The following NEK9 variants were observed in gnomAD, a reference collection of about 807,000 sequenced individuals.
NEK9 encodes serine/threonine-protein kinase Nek9.
In NEK9, 75 loss-of-function variants were observed where a neutral mutation model predicts 123.4. The ratio of observed to expected loss-of-function variants is 0.61; its 90% CI spans 0.50 to 0.74. The LOEUF (loss-of-function observed/expected upper bound fraction) is 0.74, where lower values mean the gene tolerates loss of function less well. Ranked by LOEUF, NEK9 falls within the 30% of genes least tolerant of loss-of-function variation. The pLI, the probability that NEK9 is intolerant of heterozygous loss-of-function variation, is 0.00. For synonymous variants in NEK9, 438 were observed against 458.7 expected (o/e 0.95, Z 0.58); for missense variants, 952 against 1,214.4 (o/e 0.78, Z 3.21).
chr14:75,119,035 G>C lies in NEK9; in HGVS notation c.525-100C>G, dbSNP rs561913616. ...TATTACAGAATAAAAATGAGTGTGGGCCGGGTACAGTGGCTCACATCTGTA... is the reference window on the plus strand; with the variant it reads ...TATTACAGAATAAAAATGAGTGTGGCCCGGGTACAGTGGCTCACATCTGTA... On this transcript the variant is annotated intron_variant, in intron 4 of 21. Coordinates refer to ENST00000238616, the MANE Select transcript of NEK9 (RefSeq NM_033116.6). 3.9e-5 allele frequency: 28 copies of C among 715,640 alleles called. No homozygotes were observed. In the South Asian group the frequency reaches 4.5e-4, roughly 12 times the overall value. 44.3% of individuals were successfully genotyped at this position (715,640 alleles called of 1,614,324 possible).
At position 75,114,259 on chromosome 14, in the gene NEK9, C is replaced by T. The variant is rs1895055488; in HGVS notation, c.817G>A (p.Asp273Asn). The change falls in exon 7 of 22, where the codon GAC becomes AAC. Residue 273 changes from aspartate to asparagine, a missense_variant. Asp to Asn is a conservative substitution (Grantham distance 23). Around this residue, in one of 4 missense-constraint regions of NEK9, gnomAD observed 698 missense variants for 875.6 expected, o/e 0.80. Coordinates refer to ENST00000238616, the MANE Select transcript of NEK9 (RefSeq NM_033116.6). ...IVQGIRAMEV[D>N]SSQYSLELIQ... ...AATTCCAAAGAGTACTGGCTAGAGTCAACTTCCATGGCCCGAATTCCTTGC... is the reference window on the plus strand; with the variant it reads ...AATTCCAAAGAGTACTGGCTAGAGTTAACTTCCATGGCCCGAATTCCTTGC... 6.2e-7 allele frequency: 1 copy of T among 1,614,132 alleles called. No homozygotes were observed. Among genetic ancestry groups the T allele is most frequent in the Non-Finnish European group, 8.5e-7 (1 of 1,180,004 alleles).
At chr14:75,089,972 C>T (rs1251637333) in intron 19 of NEK9, among the ~76,000 whole-genome samples, 2 of 152,168 alleles carry the variant, frequency 1.3e-5, no homozygotes, top group Non-Finnish European at 2.9e-5. Flanking sequence ...GCTGGGATTA[C>T]AGGCGTGAGC....
At chr14:75,106,287 A>G in intron 12 of NEK9, 1 of 500,268 alleles carries the variant, frequency 2.0e-6, no homozygotes, top group Admixed American at 3.7e-5. Context: ...CGAACTCGGG[A>G]GGTGGTGGTT....
chr14:75,113,535 T>A, intron 7 of NEK9, 132 bp from the exon 8 acceptor site: 2 of 645,824 alleles, frequency 3.1e-6, no homozygotes, highest in South Asian at 1.9e-5. Context: ...ATACTCCATA[T>A]TTTATGCTTC....
chr14:75,123,904 G>A (rs1895425211), intron 2 of NEK9, 142 bp downstream of exon 2: 1 of 640,746 alleles, frequency 1.6e-6, no homozygotes, highest in Non-Finnish European at 2.4e-6. Context: ...AATTCTCCAA[G>A]GCCTGAAAAG....
chr14:75,118,664 C>G (rs1446086895), intron 5 of NEK9, among the ~76,000 whole-genome samples, 166 bp downstream of exon 5: 3 of 152,198 alleles, frequency 2.0e-5, no homozygotes, highest in Non-Finnish European at 2.9e-5. Context: ...TGGGCAATGA[C>G]TTAAATGCCT....
intron 18 of NEK9, among the ~76,000 whole-genome samples, chr14:75,094,538 G>C (rs141460464): frequency 1.2e-3 from 185 of 152,316 alleles, no homozygotes; most frequent in African/African-American, 4.3e-3. Flanking sequence ...GCTCATGCCT[G>C]TAATCCCAGC....
intron 13 of NEK9, among the ~76,000 whole-genome samples, chr14:75,104,929 A>C (rs1271384395): frequency 6.6e-6 from 1 of 152,214 alleles, no homozygotes; most frequent in African/African-American, 2.4e-5. Flanking sequence ...GTTGAGAAAG[A>C]AGCTTCAATT....
In NEK9 at chr14:75,083,639, CAAA is replaced by C. The variant is rs1893930812; in HGVS notation, c.*922_*924del. The C allele has an allele frequency of 6.6e-6, 1 of 152,318 alleles. No individual in the cohort carries two copies. The allele number at this position is 152,318 out of a possible 1,614,324, so 9.4% of individuals were successfully genotyped here. ...CCTAAGAGCCATGAAGGCAGAGGCT[CAAA>C]GAAGTCTTTTCATGGGCAGAAGACT... On this transcript the variant is annotated 3_prime_UTR_variant, in exon 22 of 22. Coordinates refer to ENST00000238616, the MANE Select transcript of NEK9 (RefSeq NM_033116.6).
At chr14:75,118,540 T>G (rs777020677) in intron 5 of NEK9, among the ~76,000 whole-genome samples, 2 of 152,120 alleles carry the variant, frequency 1.3e-5, no homozygotes, top group African/African-American at 2.4e-5. Flanking sequence ...AAATAAGAGA[T>G]AAAGTGAAAT....
chr14:75,111,101 C>T (rs1465167525), intron 8 of NEK9, among the ~76,000 whole-genome samples: 2 of 152,210 alleles, frequency 1.3e-5, no homozygotes, highest in African/African-American at 4.8e-5. Flanking sequence ...ACGTGAACTG[C>T]CCTCTCGCAA....
chr14:75,120,596 A>G lies in NEK9; in HGVS notation c.454-16T>C. On this transcript the variant is annotated splice_polypyrimidine_tract_variant and intron_variant, in intron 3 of 21. Coordinates refer to ENST00000238616, the MANE Select transcript of NEK9 (RefSeq NM_033116.6). ...ACACCACCATCTGCAGAGAAAAAAT[A>G]AATATTTGGATTAGAAACAAAAAGC... The G allele has an allele frequency of 6.3e-7, 1 of 1,598,890 alleles. No individual in the cohort carries two copies. Among genetic ancestry groups the G allele is most frequent in the Non-Finnish European group, 8.6e-7 (1 of 1,168,172 alleles).
intron 7 of NEK9, 127 bp from the exon 8 acceptor site, chr14:75,113,530 C>T (rs1056078194): frequency 1.2e-5 from 8 of 666,856 alleles, no homozygotes; most frequent in African/African-American, 1.8e-5. Context: ...ATGTGATACT[C>T]CATATTTTAT....
At chr14:75,116,788 T>C (rs1895156884) in intron 6 of NEK9, among the ~76,000 whole-genome samples, 1 of 152,100 alleles carries the variant, frequency 6.6e-6, no homozygotes, top group Non-Finnish European at 1.5e-5. Context: ...TCTTGCTCTG[T>C]TGCCCAGGCT....
Position 75,083,312 on chromosome 14 carries a change from G to A in NEK9, c.*1252C>T. ...AATACTTGCCTAGAACTTTCTATAT[G>A]AAGTTTTGTTCTTCTATGACACTAT... On this transcript the variant is annotated 3_prime_UTR_variant, in exon 22 of 22. Transcript: ENST00000238616. 1 of 387,130 alleles carries A rather than the reference G, an allele frequency of 2.6e-6. No individual in the cohort carries two copies. Among genetic ancestry groups the A allele is most frequent in the Non-Finnish European group, 4.6e-6 (1 of 219,316 alleles). The allele number at this position is 387,130 out of a possible 1,614,324, so 24.0% of individuals were successfully genotyped here.
intron 6 of NEK9, 66 bp from the exon 7 acceptor site, chr14:75,114,379 G>A: frequency 3.3e-6 from 4 of 1,220,732 alleles, no homozygotes; most frequent in Non-Finnish European, 4.8e-6. Context: ...CTACTGGTAG[G>A]GGCTCTCAGG....
Position 75,082,133 on chromosome 14 carries a change from A to G in NEK9, c.*2431T>C, listed in dbSNP as rs540998581. ...AGCACAGTACTGATTAAGAGCTTAA[A>G]TGTTTATTTAAAACAGAAATGCCAA... is the stretch of plus-strand genomic sequence containing the variant. On this transcript the variant is annotated 3_prime_UTR_variant, in exon 22 of 22. Coordinates refer to ENST00000238616, the MANE Select transcript of NEK9 (RefSeq NM_033116.6). The G allele has an allele frequency of 1.8e-4, 28 of 152,326 alleles. No individual in the cohort carries two copies. The highest frequency in any genetic ancestry group is 6.7e-4 in the African/African-American group (28 of 41,584). The allele number at this position is 152,326 out of a possible 1,614,324, so 9.4% of individuals were successfully genotyped here. A position where few individuals can be genotyped will look rare whatever the true frequency, so the allele number is the denominator to read the frequency against.
At chr14:75,098,224 G>A (rs1894451992) in intron 16 of NEK9, among the ~76,000 whole-genome samples, 1 of 152,152 alleles carries the variant, frequency 6.6e-6, no homozygotes, top group African/African-American at 2.4e-5. Flanking sequence ...GAAGGCTGCA[G>A]GAGGTACAGA....
chr14:75,103,877 G>T lies in NEK9; in HGVS notation c.1696C>A (p.Leu566Met). The T allele has an allele frequency of 6.2e-7, 1 of 1,613,854 alleles. No homozygotes were observed. The highest frequency in any genetic ancestry group is 8.5e-7 in the Non-Finnish European group (1 of 1,179,948). Residue 566 changes from leucine (L) to methionine (M), a missense_variant, in exon 14 of 22, where the codon CTG becomes ATG. Transcript: ENST00000238616. ...CGLNEFNKLG[L>M]NQCMSGIINH... ...ATAATTCCCGACATGCACTGATTCA[G>T]ACCCAGCTTATTGAATTCATTGAGT... is the stretch of plus-strand genomic sequence containing the variant.
Sources: allele counts gnomAD v4.1 joint callset (sites outside exome capture counted in the v4.1 genomes callset), GRCh38; gene constraint gnomAD v4.1.1; regional missense constraint gnomAD v4.1.1; transcripts MANE v1.5; gene names NCBI Gene and HGNC (gene_info 2026-07-23, HGNC 2026-07-21).